The following MGMT variants were observed in gnomAD, a reference collection of about 807,000 sequenced individuals.
The protein encoded by MGMT is methylated-DNA--protein-cysteine methyltransferase.
MGMT carries 14 observed loss-of-function variants against 15.9 expected under a neutral mutation model. The ratio of observed to expected loss-of-function variants is 0.88; its 90% CI spans 0.58 to 1.37. The LOEUF is 1.37. MGMT is among the 40% of genes most tolerant of loss of function. The pLI is 0.00. For synonymous variants in MGMT, 130 were observed against 118.2 expected (o/e 1.10, Z -0.65); for missense variants, 282 against 268.1 (o/e 1.05, Z -0.36).
intron 2 of MGMT, among the ~76,000 whole-genome samples, chr10:129,562,891 C>T (rs939227144): frequency 3.0e-4 from 46 of 152,188 alleles, no homozygotes; most frequent in Non-Finnish European, 5.0e-4. Flanking sequence ...CCCGACTTAC[C>T]GTGGTTCAGC....
At chr10:129,569,279 T>TGGTGGG (rs1846390459) in intron 2 of MGMT, among the ~76,000 whole-genome samples, 1 of 150,766 alleles carries the variant, frequency 6.6e-6, no homozygotes, top group Non-Finnish European at 1.5e-5. Flanking sequence ...TCTGAGGTCG[T>TGGTGGG]GGTGGGGGCG....
At chr10:129,674,831 A>G (rs749538485) in intron 2 of MGMT, among the ~76,000 whole-genome samples, 18 of 152,176 alleles carry the variant, frequency 1.2e-4, no homozygotes, top group Admixed American at 3.3e-4. Context: ...TGCTAGGAAC[A>G]CAGCAGTGAG....
chr10:129,522,631 C>T (rs1201075938), intron 1 of MGMT, among the ~76,000 whole-genome samples: 1 of 152,244 alleles, frequency 6.6e-6, no homozygotes, highest in Non-Finnish European at 1.5e-5. Flanking sequence ...CATCCCAGTG[C>T]AGGTGGAAAT....
At chr10:129,752,710 A>T (rs1391430882) in intron 3 of MGMT, among the ~76,000 whole-genome samples, 1 of 152,108 alleles carries the variant, frequency 6.6e-6, no homozygotes, top group Non-Finnish European at 1.5e-5. Flanking sequence ...GGAATATAGA[A>T]ATCTTATGAC....
At chr10:129,470,661 C>T (rs546539244) in intron 1 of MGMT, among the ~76,000 whole-genome samples, 1 of 152,304 alleles carries the variant, frequency 6.6e-6, no homozygotes, top group African/African-American at 2.4e-5. Flanking sequence ...AGCCTGCGCT[C>T]CCGAAGCTCC....
intron 2 of MGMT, among the ~76,000 whole-genome samples, chr10:129,669,254 T>C (rs1193990369): frequency 6.6e-6 from 1 of 152,114 alleles, no homozygotes; most frequent in African/African-American, 2.4e-5. Context: ...TGGCTTCAAA[T>C]TCCTGGACTC....
intron 2 of MGMT, among the ~76,000 whole-genome samples, chr10:129,594,847 A>G (rs1846732244): frequency 6.6e-6 from 1 of 152,214 alleles, no homozygotes; most frequent in African/African-American, 2.4e-5. Context: ...TGACGCTGAC[A>G]TGTAATATTC....
At chr10:129,763,360 C>T (rs895389751) in intron 4 of MGMT, among the ~76,000 whole-genome samples, 4 of 152,158 alleles carry the variant, frequency 2.6e-5, no homozygotes, top group Admixed American at 6.5e-5. Flanking sequence ...CCAAAATTCA[C>T]ACAAACAGAA....
chr10:129,495,768 C>T (rs1458732372), intron 1 of MGMT, among the ~76,000 whole-genome samples: 1 of 152,188 alleles, frequency 6.6e-6, no homozygotes, highest in African/African-American at 2.4e-5. Flanking sequence ...CCATTTTTCT[C>T]AGCAGAGCAT....
chr10:129,580,694 A>T (rs1307967405), intron 2 of MGMT, among the ~76,000 whole-genome samples: 1 of 152,192 alleles, frequency 6.6e-6, no homozygotes, highest in Non-Finnish European at 1.5e-5. Context: ...GGGACACCCC[A>T]TGATGGCTTG....
chr10:129,587,134 C>T (rs1242672578), intron 2 of MGMT, among the ~76,000 whole-genome samples: 1 of 151,996 alleles, frequency 6.6e-6, no homozygotes, highest in Non-Finnish European at 1.5e-5. Flanking sequence ...GGAGCATTTT[C>T]CCCCCTCCAG....
At chr10:129,486,006 A>G (rs1328422776) in intron 1 of MGMT, among the ~76,000 whole-genome samples, 1 of 152,214 alleles carries the variant, frequency 6.6e-6, no homozygotes, top group African/African-American at 2.4e-5. Flanking sequence ...AATTTTCAAG[A>G]AGACTTAATT....
chr10:129,578,234 G>A (rs1025336797), intron 2 of MGMT, among the ~76,000 whole-genome samples: 4 of 152,056 alleles, frequency 2.6e-5, no homozygotes, highest in African/African-American at 4.8e-5. Context: ...ACATGTACAC[G>A]TATGTTTATT....
intron 2 of MGMT, chr10:129,701,349 G>A (rs946774199): frequency 6.6e-6 from 1 of 152,138 alleles, no homozygotes; most frequent in Non-Finnish European, 1.5e-5. Flanking sequence ...AGAGGCAGAG[G>A]GTACACAGCA....
chr10:129,551,620 A>G (rs1387929534), intron 2 of MGMT, among the ~76,000 whole-genome samples: 1 of 152,200 alleles, frequency 6.6e-6, no homozygotes, highest in East Asian at 1.9e-4. Flanking sequence ...TGTCTTCTAC[A>G]CTGATATTCT....
At chr10:129,560,731 T>C (rs901595841) in intron 2 of MGMT, among the ~76,000 whole-genome samples, 1 of 152,238 alleles carries the variant, frequency 6.6e-6, no homozygotes, top group Non-Finnish European at 1.5e-5. Context: ...ATTCATCAGC[T>C]GAACGTCTTT....
At chr10:129,581,336 A>G (rs1156476224) in intron 2 of MGMT, among the ~76,000 whole-genome samples, 2 of 152,126 alleles carry the variant, frequency 1.3e-5, no homozygotes, top group African/African-American at 4.8e-5. Flanking sequence ...GGGGAGGGCT[A>G]CTGACATGGC....
At chr10:129,479,186 C>A (rs1030432274) in intron 1 of MGMT, among the ~76,000 whole-genome samples, 1 of 152,102 alleles carries the variant, frequency 6.6e-6, no homozygotes, top group African/African-American at 2.4e-5. Context: ...GTTAATATGG[C>A]AAATAGTGTT....
intron 2 of MGMT, among the ~76,000 whole-genome samples, chr10:129,604,058 A>G (rs984191009): frequency 2.0e-5 from 3 of 152,124 alleles, no homozygotes; most frequent in African/African-American, 7.2e-5. Flanking sequence ...AGTGCTATAC[A>G]TTTGTAGCTT....
Sources: gnomAD v4.1 joint callset for allele counts (sites outside exome capture counted in the v4.1 genomes callset) on GRCh38, gnomAD v4.1.1 for gene constraint, MANE v1.5 for transcripts, NCBI Gene and HGNC (gene_info 2026-07-23, HGNC 2026-07-21) for gene names.